The following ZFHX3 variants were observed in gnomAD, a reference collection of about 807,000 sequenced individuals.
ZFHX3 encodes zinc finger homeobox 3.
A neutral mutation model predicts 279.1 loss-of-function variants in ZFHX3; 42 were observed. The observed-to-expected ratio is 0.15, with a 90% CI of 0.12 to 0.19. ZFHX3 has a LOEUF of 0.19. Among genes scored for constraint, ZFHX3 ranks in the 10% least tolerant of loss-of-function variants. ZFHX3 has a pLI of 1.00. For missense variants in ZFHX3, 4,981 were observed against 4,754.0 expected, an observed-to-expected ratio of 1.05 and a Z score of -1.40; for synonymous variants, 2,293 against 1,957.8, an observed-to-expected ratio of 1.17 and a Z score of -4.52.
In ZFHX3 at chr16:72,797,883, G is replaced by A; in HGVS notation, c.4799C>T (p.Thr1600Ile). The change falls in exon 9 of 10, where the codon ACT (threonine) becomes ATT (isoleucine). Residue 1600 changes from threonine to isoleucine, a missense_variant. By Grantham distance (89) the Thr-to-Ile change is moderately conservative (BLOSUM62 -1). This residue lies in a region of ZFHX3 where 1,751 missense variants were observed against 1,770.0 expected (regional missense o/e 0.99). Coordinates refer to ENST00000268489, the MANE Select transcript of ZFHX3 (RefSeq NM_006885.4). ...SPDNKPFKCN[T>I]CNVAYSQSST... ...ACTCTGGCTGTAGGCCACATTACAAGTGTTACACTTAAAAGGTTTGTTGTC... is the reference window on the plus strand; with the variant it reads ...ACTCTGGCTGTAGGCCACATTACAAATGTTACACTTAAAAGGTTTGTTGTC... 12 of 1,614,158 alleles carry A rather than the reference G, an allele frequency of 7.4e-6. No individual in the cohort carries two copies. The highest frequency in any genetic ancestry group is 1.1e-5 in the South Asian group (1 of 91,074).
upstream of ZFHX3, among the ~76,000 whole-genome samples, chr16:73,052,337 TA>T (rs1470210653): frequency 4.0e-5 from 6 of 148,464 alleles, no homozygotes; most frequent in East Asian, 4.2e-4. Flanking sequence ...GGTTGGAGTT[TA>T]TTTTTTTTTT....
At chr16:73,478,604 T>A (rs1257429486) in intron 2 of ZFHX3, among the ~76,000 whole-genome samples, 2 of 152,204 alleles carry the variant, frequency 1.3e-5, no homozygotes, top group Non-Finnish European at 2.9e-5. Context: ...AACTTTCTTA[T>A]CCTTTTCTCT....
chr16:73,221,065 A>G (rs775372996), intron 5 of ZFHX3, among the ~76,000 whole-genome samples: 2 of 152,212 alleles, frequency 1.3e-5, no homozygotes, highest in African/African-American at 4.8e-5. Context: ...CATGGAATTC[A>G]TTAGGGACAA....
intron 1 of ZFHX3, among the ~76,000 whole-genome samples, chr16:73,018,161 G>A (rs996330591): frequency 2.0e-5 from 3 of 151,258 alleles, no homozygotes; most frequent in African/African-American, 7.3e-5. Flanking sequence ...AATTTTGCTT[G>A]ATTTTTTTTT....
At chr16:73,405,645 T>C (rs8044262) in intron 3 of ZFHX3, among the ~76,000 whole-genome samples, 92,589 of 151,716 alleles carry the variant, frequency 0.61, 30,913 homozygotes, top group African/African-American at 0.9. Flanking sequence ...GTCATTGCAA[T>C]GGGGCCCTGC....
intron 5 of ZFHX3, among the ~76,000 whole-genome samples, chr16:73,171,559 A>G (rs1158543042): frequency 1.3e-5 from 2 of 152,126 alleles, no homozygotes; most frequent in Non-Finnish European, 2.9e-5. Context: ...ACAGCCGCAA[A>G]GGGGAATCTG....
intron 1 of ZFHX3, among the ~76,000 whole-genome samples, chr16:73,868,503 A>G (rs1962086516): frequency 1.3e-5 from 2 of 152,240 alleles, no homozygotes; most frequent in African/African-American, 4.8e-5. Flanking sequence ...CAGCCTGGGC[A>G]ACAGAGCAGG....
At chr16:73,538,205 T>G (rs2019941508) in intron 2 of ZFHX3, among the ~76,000 whole-genome samples, 1 of 152,212 alleles carries the variant, frequency 6.6e-6, no homozygotes, top group African/African-American at 2.4e-5. Flanking sequence ...GTGTGTTTTT[T>G]AACACTAGTC....
intron 1 of ZFHX3, among the ~76,000 whole-genome samples, chr16:73,756,408 G>C (rs1376787261): frequency 6.6e-6 from 1 of 152,162 alleles, no homozygotes; most frequent in Non-Finnish European, 1.5e-5. Flanking sequence ...TAATGTGATC[G>C]TGAAAGGTGG....
chr16:73,026,448 G>A (rs1031998463), intron 1 of ZFHX3, among the ~76,000 whole-genome samples: 16 of 151,962 alleles, frequency 1.1e-4, no homozygotes, highest in African/African-American at 3.9e-4. Context: ...AAGGCGGGTG[G>A]ATCACCTGAG....
chr16:72,838,774 T>A (rs957951750), intron 4 of ZFHX3, among the ~76,000 whole-genome samples: 11 of 152,238 alleles, frequency 7.2e-5, no homozygotes, highest in African/African-American at 2.7e-4. Context: ...TTTATCTGTG[T>A]TCTTAGCAAA....
At chr16:73,113,822 T>A (rs1230098905) in intron 7 of ZFHX3, among the ~76,000 whole-genome samples, 1 of 104,392 alleles carries the variant, frequency 9.6e-6, no homozygotes, top group Non-Finnish European at 1.9e-5. Flanking sequence ...TTAGACAGAG[T>A]CTTGCTGTGT....
chr16:73,127,584 C>T (rs1966592114), intron 7 of ZFHX3: 1 of 1,304,420 alleles, frequency 7.7e-7, no homozygotes, highest in East Asian at 5.6e-5. Flanking sequence ...TGAGGACAGC[C>T]ACTGACCACG....
chr16:73,584,669 A>G (rs2051904518), intron 2 of ZFHX3, among the ~76,000 whole-genome samples: 2 of 152,340 alleles, frequency 1.3e-5, no homozygotes, highest in South Asian at 4.1e-4. Flanking sequence ...AGGTCAGGTC[A>G]TAGGCATGGG....
exon 6 of ZFHX3, chr16:73,143,808 G>A (rs757287734): frequency 4.6e-6 from 6 of 1,303,794 alleles, no homozygotes; most frequent in Non-Finnish European, 6.1e-6. Flanking sequence ...AGACTTCTGG[G>A]GGTTGTAACT....
rs2143595292 is a variant in ZFHX3, at chr16:72,811,957, G to A, written c.3611C>T (p.Ser1204Phe). The change falls in exon 6 of 10, where the codon TCT becomes TTT. Residue 1204 changes from serine to phenylalanine, a missense_variant. Transcript: ENST00000268489. ...KRISFPGSSE[S>F]PLSSKRPKTA... The stretch of plus-strand genomic sequence containing the variant: ...TTTTGGTCGCTTCGAAGAGAGGGGA[G>A]ACTCTGAGCTACCTGGGAAGGAGAT... 2 of 1,614,154 alleles carry A rather than the reference G, an allele frequency of 1.2e-6. No individual in the cohort carries two copies. The highest frequency in any genetic ancestry group is 1.7e-6 in the Non-Finnish European group (2 of 1,180,026).
At chr16:73,131,750 C>T (rs868690350) in intron 6 of ZFHX3, among the ~76,000 whole-genome samples, 2 of 152,180 alleles carry the variant, frequency 1.3e-5, no homozygotes, top group East Asian at 1.9e-4. Context: ...CCACTGGATC[C>T]GAGTCCTAAA....
intron 4 of ZFHX3, among the ~76,000 whole-genome samples, chr16:72,887,932 G>C (rs556572302): frequency 1.3e-5 from 2 of 152,128 alleles, no homozygotes; most frequent in South Asian, 2.1e-4. Context: ...TGCCGTCTGC[G>C]TGAGTCTGTG....
intron 2 of ZFHX3, among the ~76,000 whole-genome samples, chr16:73,528,147 C>A (rs905125314): frequency 2.0e-5 from 3 of 152,120 alleles, no homozygotes; most frequent in Non-Finnish European, 4.4e-5. Context: ...GAAACATCTG[C>A]AAGGATTTGG....
Sources: allele counts gnomAD v4.1 joint callset (sites outside exome capture counted in the v4.1 genomes callset), GRCh38; gene constraint gnomAD v4.1.1; regional missense constraint gnomAD v4.1.1; transcripts MANE v1.5; gene names NCBI Gene and HGNC (gene_info 2026-07-23, HGNC 2026-07-21).